Variants in ZNF184 observed in about 807,000 individuals in gnomAD.
The protein encoded by ZNF184 is zinc finger protein 184 (Kruppel-like).
A neutral mutation model predicts 54.4 loss-of-function variants in ZNF184; 16 were observed. The ratio of observed to expected loss-of-function variants is 0.29; its 90% CI spans 0.20 to 0.45. ZNF184 has a LOEUF of 0.45. Ranked by LOEUF, ZNF184 falls within the 20% of genes least tolerant of loss-of-function variation. The pLI, the probability that ZNF184 is intolerant of heterozygous loss-of-function variation, is 1.00. For missense variants in ZNF184, 681 were observed against 888.2 expected, an observed-to-expected ratio of 0.77 and a Z score of 2.97; for synonymous variants, 254 against 295.3, an observed-to-expected ratio of 0.86 and a Z score of 1.43.
At chr6:27,446,133 A>C (rs1177040800), downstream of ZNF184, among the ~76,000 whole-genome samples, 2 of 152,244 alleles carry the variant, frequency 1.3e-5, no homozygotes, top group African/African-American at 2.4e-5. Context: ...ACTTTTTACT[A>C]AGGAGATAAA....
chr6:27,427,344 G>T, the ZNF184 span, among the ~76,000 whole-genome samples: 1 of 152,116 alleles, frequency 6.6e-6, no homozygotes, highest in Non-Finnish European at 1.5e-5. Context: ...TCTGAGAACT[G>T]CACTAACGCC....
the ZNF184 span, among the ~76,000 whole-genome samples, chr6:27,414,415 C>A: frequency 2.0e-5 from 3 of 152,128 alleles, no homozygotes; most frequent in African/African-American, 7.2e-5. Flanking sequence ...TTACGGTGAC[C>A]TACAAGGCCC....
chr6:27,426,570 C>T, the ZNF184 span, among the ~76,000 whole-genome samples: 216 of 147,552 alleles, frequency 1.5e-3, no homozygotes, highest in African/African-American at 5.3e-3. The surrounding 1 kb of genome is among the most constrained non-coding windows in gnomAD (Gnocchi z 4.2). Flanking sequence ...TGACTTTGCC[C>T]TCAAACTCTA....
chr6:27,424,579 T>A, the ZNF184 span, among the ~76,000 whole-genome samples: 5,430 of 152,200 alleles, frequency 0.036, 204 homozygotes, highest in African/African-American at 0.095. Context: ...AGGCCCCACC[T>A]GAGTAGCTAG....
At chr6:27,416,504 A>G in the ZNF184 span, among the ~76,000 whole-genome samples, 2 of 152,216 alleles carry the variant, frequency 1.3e-5, no homozygotes, top group African/African-American at 2.4e-5. Flanking sequence ...CTTCTCTGGT[A>G]TCATGACAAT....
the ZNF184 span, among the ~76,000 whole-genome samples, chr6:27,438,366 CA>C: frequency 6.6e-6 from 1 of 152,082 alleles, no homozygotes; most frequent in Non-Finnish European, 1.5e-5. Flanking sequence ...AGAAAAACTA[CA>C]GGAAAAGGAA....
chr6:27,425,227 A>C, the ZNF184 span, among the ~76,000 whole-genome samples: 5 of 152,318 alleles, frequency 3.3e-5, no homozygotes, highest in African/African-American at 1.2e-4. Flanking sequence ...CCTCCCTGCA[A>C]GCTGAGGGAG....
chr6:27,411,238 G>C, the ZNF184 span, among the ~76,000 whole-genome samples: 1 of 152,106 alleles, frequency 6.6e-6, no homozygotes, highest in Non-Finnish European at 1.5e-5. Context: ...AAAACTCCAG[G>C]CCTTTTATGA....
chr6:27,458,105 A>G (rs547550090), intron 3 of ZNF184, among the ~76,000 whole-genome samples: 1 of 152,168 alleles, frequency 6.6e-6, no homozygotes, highest in East Asian at 1.9e-4. Context: ...CTGCCAACCT[A>G]AAGATGAAAT....
rs1762734676 is a variant in ZNF184, at chr6:27,451,896, C to T, written c.1663G>A (p.Glu555Lys). Residue 555 changes from glutamate to lysine, a missense_variant, in exon 6 of 6, where the codon GAG (glutamate) becomes AAG (lysine). By Grantham distance (56) the Glu-to-Lys change is moderately conservative. Transcript: ENST00000683788. Reference protein sequence around the residue: ...LAKHERIHTGEKPYQCHECGK... With the variant: ...LAKHERIHTGKKPYQCHECGK... Reference sequence around the variant, plus strand: ...CATTCATGACACTGATAGGGTTTCTCTCCAGTATGAATTCTTTCATGCTTA... The same window carrying T: ...CATTCATGACACTGATAGGGTTTCTTTCCAGTATGAATTCTTTCATGCTTA... 7 of 1,612,492 alleles carry T rather than the reference C, an allele frequency of 4.3e-6. No individual in the cohort carries two copies. The highest frequency in any genetic ancestry group is 5.9e-6 in the Non-Finnish European group (7 of 1,179,994).
rs1200967254 is a variant in ZNF184 at position 27,472,111 on chromosome 6, G to GT, written c.7+176dup. Among the ~76,000 whole-genome samples, 5 of 152,156 alleles carry GT rather than the reference G, an allele frequency of 3.3e-5. No individual in the cohort carries two copies. The highest frequency in any genetic ancestry group is 7.3e-5 in the Non-Finnish European group (5 of 68,030). Reference sequence around the variant, plus strand: ...AGAAAAAAATAAACTCCTCTCCCAAGTATCTCTCTATAAAACAGAATCTCT... The same window carrying GT: ...AGAAAAAAATAAACTCCTCTCCCAAGTTATCTCTCTATAAAACAGAATCTCT... On this transcript the variant is annotated intron_variant, in intron 2 of 5. Coordinates refer to ENST00000683788, the MANE Select transcript of ZNF184 (RefSeq NM_001318891.2). This position sits in a 1 kb window ranked among gnomAD's most constrained non-coding sequence, Gnocchi z 4.8.
the ZNF184 span, among the ~76,000 whole-genome samples, chr6:27,416,903 T>C: frequency 6.6e-6 from 1 of 152,200 alleles, no homozygotes; most frequent in East Asian, 1.9e-4. Flanking sequence ...AGAGAGATGA[T>C]TTAGTTGAAC....
chr6:27,469,679 T>C (rs916161065), intron 2 of ZNF184, among the ~76,000 whole-genome samples: 1 of 151,650 alleles, frequency 6.6e-6, no homozygotes, highest in African/African-American at 2.4e-5. Flanking sequence ...ACATGAGGTA[T>C]GAAATAGACT....
At chr6:27,428,199 A>G in the ZNF184 span, among the ~76,000 whole-genome samples, 99 of 152,234 alleles carry the variant, frequency 6.5e-4, 2 homozygotes, top group East Asian at 0.018. This position sits in a 1 kb window ranked among gnomAD's most constrained non-coding sequence, Gnocchi z 4.1. Flanking sequence ...TTCAATAAAC[A>G]ATATAACCCA....
Position 27,472,603 on chromosome 6 carries a change from T to C in ZNF184, c.-140+126A>G. 2.7e-6 allele frequency: 1 copy of C among 370,090 alleles called. No individual in the cohort carries two copies. The highest frequency in any genetic ancestry group is 5.0e-6 in the Non-Finnish European group (1 of 198,388). The allele number at this position is 370,090 out of a possible 1,614,324, so 22.9% of individuals were successfully genotyped here. The stretch of plus-strand genomic sequence containing the variant: ...TGGAGATCGGGTACGCGGGTTCTGC[T>C]TCAGATCCAAAAAACCCTTGGTGCC... On this transcript the variant is annotated intron_variant, in intron 1 of 5. Transcript: ENST00000683788. The surrounding 1 kb of genome is among the most constrained non-coding windows in gnomAD (Gnocchi z 4.8).
At chr6:27,460,819 G>C in intron 3 of ZNF184, among the ~76,000 whole-genome samples, 1 of 152,176 alleles carries the variant, frequency 6.6e-6, no homozygotes, top group East Asian at 1.9e-4. Context: ...TTTAGGAGCA[G>C]GGCAAGTCTA....
chr6:27,457,603 A>ATG (rs150047687), intron 3 of ZNF184, among the ~76,000 whole-genome samples, 194 bp from the exon 4 acceptor site: 1,713 of 152,308 alleles, frequency 0.011, 34 homozygotes, highest in African/African-American at 0.039. Flanking sequence ...AAAACATTCC[A>ATG]TGTGAAATGC....
At chr6:27,430,426 A>G in the ZNF184 span, among the ~76,000 whole-genome samples, 2 of 147,950 alleles carry the variant, frequency 1.4e-5, no homozygotes, top group African/African-American at 5.0e-5. Context: ...GGCATGATTA[A>G]GTCAAGGATC....
the ZNF184 span, among the ~76,000 whole-genome samples, chr6:27,436,126 A>G: frequency 3.9e-5 from 6 of 152,126 alleles, no homozygotes; most frequent in Non-Finnish European, 8.8e-5. Flanking sequence ...TTATCATGTT[A>G]AGGGAGTTTT....
Sources: gnomAD v4.1 joint callset for allele counts (sites outside exome capture counted in the v4.1 genomes callset) on GRCh38, gnomAD v4.1.1 for gene constraint, Gnocchi (gnomAD v3.1) non-coding constraint, MANE v1.5 for transcripts, NCBI Gene and HGNC (gene_info 2026-07-23, HGNC 2026-07-21) for gene names.